The following KPNA5 variants were observed in gnomAD, a reference collection of about 807,000 sequenced individuals.
KPNA5 encodes importin subunit alpha-6.
In KPNA5, 46 loss-of-function variants were observed where a neutral mutation model predicts 71.3. The observed-to-expected ratio is 0.65, with a 90% CI of 0.51 to 0.83. The LOEUF is 0.83. KPNA5 is among the 40% of genes least tolerant of loss of function. The pLI, the probability that KPNA5 is intolerant of heterozygous loss-of-function variation, is 0.00. For missense variants in KPNA5, 547 were observed against 628.3 expected (o/e 0.87, Z 1.38); for synonymous variants, 207 against 201.4 (o/e 1.03, Z -0.24).
intron 1 of KPNA5, among the ~76,000 whole-genome samples, chr6:116,684,501 G>GT (rs535282746): frequency 1.1e-4 from 16 of 152,182 alleles, no homozygotes; most frequent in Admixed American, 3.3e-4. Context: ...CGAGTGGCCT[G>GT]TTTTCAGTGG....
chr6:116,694,870 G>T (rs1262905232), intron 4 of KPNA5, among the ~76,000 whole-genome samples: 3 of 152,102 alleles, frequency 2.0e-5, no homozygotes. Flanking sequence ...GGGTCAAAGG[G>T]AATACACTGT....
intron 7 of KPNA5, among the ~76,000 whole-genome samples, chr6:116,706,460 C>T (rs779382181): frequency 1.3e-5 from 2 of 151,696 alleles, no homozygotes; most frequent in South Asian, 2.1e-4. Flanking sequence ...GAGGCCAAGG[C>T]GGGTGGATCC....
intron 1 of KPNA5, chr6:116,681,578 C>G (rs1051943840): frequency 5.7e-6 from 7 of 1,237,156 alleles, no homozygotes; most frequent in Middle Eastern, 3.1e-4. Context: ...TTCAGCAGGT[C>G]CTCTGGAGTG....
Position 116,681,293 on chromosome 6 carries a change from G to A in KPNA5, c.-42G>A. The A allele has an allele frequency of 1.2e-6, 2 of 1,609,680 alleles. No homozygotes were observed. Among genetic ancestry groups the A allele is most frequent in the Non-Finnish European group, 8.5e-7 (1 of 1,177,572 alleles). On this transcript the variant is annotated 5_prime_UTR_variant, in exon 1 of 14. Coordinates refer to ENST00000368564, the MANE Select transcript of KPNA5 (RefSeq NM_001366306.2). ...TCTGTTACCCGCCACACACGTCGCC[G>A]CTGGGGACTGGGAAATCAGGGCATC...
At chr6:116,705,620 C>G (rs563290893) in intron 7 of KPNA5, among the ~76,000 whole-genome samples, 1 of 151,452 alleles carries the variant, frequency 6.6e-6, no homozygotes, top group East Asian at 1.9e-4. Flanking sequence ...TACTACTTTA[C>G]GTATTTTTTT....
rs571551017 is a variant in KPNA5 at position 116,708,975 on chromosome 6, G to A, written c.656+3815G>A. ...TAATTTTTGTATTTTTAGTAGAGACGGAGTTTCACCATGTTGGCCAGGCTG... is the reference window on the plus strand; with the variant it reads ...TAATTTTTGTATTTTTAGTAGAGACAGAGTTTCACCATGTTGGCCAGGCTG... On this transcript the variant is annotated intron_variant, in intron 7 of 13. Transcript: ENST00000368564. Among the ~76,000 whole-genome samples the A allele has an allele frequency of 9.9e-5, 15 of 152,010 alleles. No individual in the cohort carries two copies. The East Asian group carries it at 1.5e-3, about 16-fold the overall frequency.
intron 8 of KPNA5, 146 bp from the exon 9 acceptor site, chr6:116,721,980 A>G: frequency 1.9e-6 from 1 of 524,938 alleles, no homozygotes; most frequent in Non-Finnish European, 3.2e-6. Flanking sequence ...ATATTCATAC[A>G]TCTGATTATA....
At chr6:116,698,448 T>C (rs1778109554) in intron 4 of KPNA5, among the ~76,000 whole-genome samples, 1 of 152,032 alleles carries the variant, frequency 6.6e-6, no homozygotes, top group Non-Finnish European at 1.5e-5. Context: ...GCCTTCAATT[T>C]ATGAAATTTA....
intron 10 of KPNA5, among the ~76,000 whole-genome samples, chr6:116,725,477 C>A (rs752286753): frequency 6.6e-6 from 1 of 152,062 alleles, no homozygotes; most frequent in Non-Finnish European, 1.5e-5. Context: ...TCAGTTTTAT[C>A]AGTTGAACTC....
chr6:116,691,939 T>G (rs1777814252), intron 2 of KPNA5, 116 bp from the exon 3 acceptor site: 1 of 706,752 alleles, frequency 1.4e-6, no homozygotes, highest in African/African-American at 1.8e-5. Context: ...ATTCAGAATT[T>G]TAAGTTATAA....
intron 8 of KPNA5, among the ~76,000 whole-genome samples, chr6:116,717,148 G>A (rs1443409222): frequency 6.6e-6 from 1 of 152,112 alleles, no homozygotes; most frequent in Non-Finnish European, 1.5e-5. Flanking sequence ...AGTACATTTT[G>A]ATACTACTGC....
In KPNA5 at chr6:116,708,166, G is replaced by A. The variant is rs538102042; in HGVS notation, c.656+3006G>A. Among the ~76,000 whole-genome samples the A allele has an allele frequency of 2.6e-5, 4 of 152,196 alleles. No homozygotes were observed. The East Asian group carries it at 5.8e-4, about 22-fold the overall frequency. Reference sequence around the variant, plus strand: ...TCATTCATTAATAGATGGACACTTCGGTGTGTCCACCTTTTGACTACTGTA... The same window carrying A: ...TCATTCATTAATAGATGGACACTTCAGTGTGTCCACCTTTTGACTACTGTA... On this transcript the variant is annotated intron_variant, in intron 7 of 13. Transcript: ENST00000368564.
chr6:116,685,481 T>C (rs1187051436), intron 1 of KPNA5, among the ~76,000 whole-genome samples: 1 of 152,182 alleles, frequency 6.6e-6, no homozygotes, highest in East Asian at 1.9e-4. Context: ...TGTTCCCTTC[T>C]TTGTGTCCAT....
Position 116,692,044 on chromosome 6 carries a change from C to T in KPNA5, c.139-11C>T, listed in dbSNP as rs559886928. 2 of 1,570,576 alleles carry T rather than the reference C, an allele frequency of 1.3e-6. No individual in the cohort carries two copies. The highest frequency in any genetic ancestry group is 1.3e-5 in the African/African-American group (1 of 74,142). On this transcript the variant is annotated splice_polypyrimidine_tract_variant and intron_variant, in intron 2 of 13. Coordinates refer to ENST00000368564, the MANE Select transcript of KPNA5 (RefSeq NM_001366306.2). ...AAGCTCAATGTGTAAACTGATTTCTCTTTATTACAGTTGTTCAAACGCAGA... is the reference window on the plus strand; with the variant it reads ...AAGCTCAATGTGTAAACTGATTTCTTTTTATTACAGTTGTTCAAACGCAGA...
intron 5 of KPNA5, 76 bp from the exon 6 acceptor site, chr6:116,701,943 C>A: frequency 7.4e-7 from 1 of 1,358,236 alleles, no homozygotes; most frequent in Non-Finnish European, 1.0e-6. Flanking sequence ...CAGGTCTTTA[C>A]TCCCTCTCTT....
chr6:116,686,530 C>T (rs1037849264), intron 1 of KPNA5, among the ~76,000 whole-genome samples: 3 of 152,226 alleles, frequency 2.0e-5, no homozygotes, highest in Non-Finnish European at 2.9e-5. Context: ...GATTCTTTTG[C>T]TGTGCAGGAG....
intron 8 of KPNA5, among the ~76,000 whole-genome samples, chr6:116,720,945 C>T (rs1438366261): frequency 6.6e-6 from 1 of 152,222 alleles, no homozygotes; most frequent in African/African-American, 2.4e-5. Context: ...TATTTGCCCA[C>T]TAACAGATAG....
chr6:116,701,946 CCT>C lies in KPNA5; in HGVS notation c.436-68_436-67del, dbSNP rs551280313. ...CACTTGTCCTGGCAGGTCTTTACTC[CCT>C]CTCTTTCCTTCTTTGCCTTTCTGAC... On this transcript the variant is annotated intron_variant, in intron 5 of 13. Transcript: ENST00000368564. 5.5e-4 allele frequency: 784 copies of C among 1,421,560 alleles called. 7 individuals are homozygous for C. In the African/African-American group the frequency reaches 0.01, roughly 18 times the overall value. The allele number at this position is 1,421,560 out of a possible 1,614,324, so 88.1% of individuals were successfully genotyped here. A position where few individuals can be genotyped will look rare whatever the true frequency, so the allele number is the denominator to read the frequency against.
At position 116,736,449 on chromosome 6, in the gene KPNA5, C is replaced by G. The variant is rs1295570283; in HGVS notation, c.*4126C>G. 1 of 151,950 alleles carries G rather than the reference C, an allele frequency of 6.6e-6. No homozygotes were observed. The highest frequency in any genetic ancestry group is 1.5e-5 in the Non-Finnish European group (1 of 67,908). 9.4% of individuals were successfully genotyped at this position (151,950 alleles called of 1,614,324 possible). ...AATAAATTCAGAGATGTGCTGCCAT[C>G]ACCATAAGCAAAAGTTCACTTTTTT... On this transcript the variant is annotated 3_prime_UTR_variant, in exon 14 of 14. Transcript: ENST00000368564.
Sources: allele counts gnomAD v4.1 joint callset (sites outside exome capture counted in the v4.1 genomes callset), GRCh38; gene constraint gnomAD v4.1.1; transcripts MANE v1.5; gene names NCBI Gene and HGNC (gene_info 2026-07-23, HGNC 2026-07-21).